The following PLA2R1 variants were observed in gnomAD, a reference collection of about 807,000 sequenced individuals.
PLA2R1 encodes secretory phospholipase A2 receptor.
PLA2R1 carries 158 observed loss-of-function variants against 195.9 expected under a neutral mutation model. The observed-to-expected ratio is 0.81, with a 90% CI of 0.71 to 0.92. The LOEUF is 0.92. Among genes scored for constraint, PLA2R1 ranks in the 40% least tolerant of loss-of-function variants. The pLI, the probability that PLA2R1 is intolerant of heterozygous loss-of-function variation, is 0.00. For synonymous variants in PLA2R1, 586 were observed against 598.2 expected (o/e 0.98, Z 0.30); for missense variants, 1,626 against 1,764.6 (o/e 0.92, Z 1.41).
intron 28 of PLA2R1, among the ~76,000 whole-genome samples, chr2:159,944,566 A>C (rs548495794): frequency 6.5e-4 from 99 of 152,296 alleles, no homozygotes; most frequent in African/African-American, 2.3e-3. Flanking sequence ...TAAACCTTAA[A>C]AATTCTGAGT....
intron 11 of PLA2R1, among the ~76,000 whole-genome samples, chr2:159,996,951 T>A (rs1167383682): frequency 3.9e-5 from 6 of 152,176 alleles, no homozygotes; most frequent in Non-Finnish European, 4.4e-5. Context: ...ACTTTTTCCA[T>A]TAAAGCCCTT....
At chr2:160,009,528 G>A (rs903520521) in intron 10 of PLA2R1, among the ~76,000 whole-genome samples, 1 of 152,170 alleles carries the variant, frequency 6.6e-6, no homozygotes, top group African/African-American at 2.4e-5. Flanking sequence ...GGGTCTGGGA[G>A]GAGGGGAGAA....
intron 10 of PLA2R1, among the ~76,000 whole-genome samples, chr2:160,007,079 A>C (rs907581444): frequency 5.3e-5 from 8 of 152,268 alleles, no homozygotes; most frequent in African/African-American, 1.9e-4. Context: ...TAACCTAAAT[A>C]GCACACATTT....
intron 10 of PLA2R1, among the ~76,000 whole-genome samples, chr2:160,007,482 A>G (rs1692074650): frequency 6.6e-6 from 1 of 152,244 alleles, no homozygotes; most frequent in Non-Finnish European, 1.5e-5. Context: ...GAAGACAGAC[A>G]AGCGGCTGGA....
intron 6 of PLA2R1, 29 bp downstream of exon 6, chr2:160,028,189 T>G (rs1558960992): frequency 5.3e-6 from 8 of 1,512,320 alleles, no homozygotes; most frequent in Non-Finnish European, 7.2e-6. Context: ...CAACAACACC[T>G]AAGAACAACT....
At chr2:159,946,335 A>C (rs1236320583) in intron 27 of PLA2R1, 1 of 984,510 alleles carries the variant, frequency 1.0e-6, no homozygotes, top group East Asian at 1.1e-4. Context: ...ATAACCATCA[A>C]TTACATAAAG....
At position 159,951,086 on chromosome 2, in the gene PLA2R1, A is replaced by T. The variant is rs3828322; in HGVS notation, c.3540+254T>A. On this transcript the variant is annotated intron_variant, in intron 24 of 29. Transcript: ENST00000283243. Reference sequence around the variant, plus strand: ...CGGGGTACTTGGAAATTTTCAGAGAACCTTTGAATGGTATTAATTTCCAGA... The same window carrying T: ...CGGGGTACTTGGAAATTTTCAGAGATCCTTTGAATGGTATTAATTTCCAGA... Among the ~76,000 whole-genome samples, 2,862 of 152,190 alleles carry T rather than the reference A, an allele frequency of 0.019. 162 individuals carry two copies. In the East Asian group the frequency reaches 0.2, roughly 11 times the overall value.
At chr2:160,062,202 T>C in intron 1 of PLA2R1, 93 bp downstream of exon 1, 1 of 1,020,528 alleles carries the variant, frequency 9.8e-7, no homozygotes, top group Non-Finnish European at 1.4e-6. Context: ...CCCGCCAGCT[T>C]GGCCCCTAGC....
At position 160,028,844 on chromosome 2, in the gene PLA2R1, G is replaced by A. The variant is rs140344767; in HGVS notation, c.955+6C>T. The A allele has an allele frequency of 6.9e-4, 1,086 of 1,565,402 alleles. 8 individuals are homozygous for A. The highest frequency in any genetic ancestry group is 6.4e-3 in the South Asian group (579 of 90,284). ...GTGACGAAGGCAAAGAAAACACTGC[G>A]GGTACCTGGGCTCCAATTCAGATAG... On this transcript the variant is annotated splice_donor_region_variant and intron_variant, in intron 5 of 29. Transcript: ENST00000283243.
chr2:160,026,314 G>A (rs1204691358), intron 6 of PLA2R1, among the ~76,000 whole-genome samples: 1 of 152,108 alleles, frequency 6.6e-6, no homozygotes, highest in East Asian at 1.9e-4. Context: ...AAGTATTATG[G>A]AATACAATTT....
intron 1 of PLA2R1, among the ~76,000 whole-genome samples, chr2:160,048,777 A>T (rs1202053640): frequency 6.6e-6 from 1 of 151,520 alleles, no homozygotes; most frequent in African/African-American, 2.4e-5. Context: ...AAATGTTATT[A>T]TACTTCCCTT....
intron 4 of PLA2R1, 129 bp downstream of exon 4, chr2:160,032,830 T>G: frequency 1.3e-6 from 1 of 743,080 alleles, no homozygotes; most frequent in Non-Finnish European, 2.2e-6. Flanking sequence ...GTGAGAGTTT[T>G]GGGCCATATT....
intron 4 of PLA2R1, among the ~76,000 whole-genome samples, chr2:160,029,885 T>G (rs1455098949): frequency 6.6e-6 from 1 of 152,188 alleles, no homozygotes; most frequent in Non-Finnish European, 1.5e-5. Flanking sequence ...TCGCTTACAA[T>G]TCACCTGATT....
intron 1 of PLA2R1, among the ~76,000 whole-genome samples, chr2:160,048,544 T>C (rs1042544700): frequency 2.0e-5 from 3 of 152,234 alleles, no homozygotes; most frequent in Non-Finnish European, 2.9e-5. Context: ...TAGGTATCAA[T>C]ATTCTGATTG....
chr2:160,045,388 A>AGGGGG (rs1694795611), intron 1 of PLA2R1, among the ~76,000 whole-genome samples: 1 of 152,338 alleles, frequency 6.6e-6, no homozygotes, highest in East Asian at 1.9e-4. Context: ...CTCTGATCTA[A>AGGGGG]GACCTAATTG....
chr2:159,946,984 C>A, intron 26 of PLA2R1, 67 bp from the exon 27 acceptor site: 2 of 968,926 alleles, frequency 2.1e-6, no homozygotes, highest in Non-Finnish European at 3.1e-6. Context: ...AAAAATGTTT[C>A]CTATACTATT....
chr2:160,002,580 G>A (rs1027255859), intron 11 of PLA2R1, among the ~76,000 whole-genome samples: 1 of 151,964 alleles, frequency 6.6e-6, no homozygotes, highest in African/African-American at 2.4e-5. Flanking sequence ...GTTAGTTTGT[G>A]TACCTGCAAC....
intron 27 of PLA2R1, chr2:159,946,599 G>C (rs1270156272): frequency 7.9e-7 from 1 of 1,264,392 alleles, no homozygotes; most frequent in East Asian, 3.5e-5. Context: ...TTTTATTTTT[G>C]GTGTTCTGGG....
intron 23 of PLA2R1, among the ~76,000 whole-genome samples, chr2:159,952,857 T>C (rs1241107639): frequency 2.0e-5 from 3 of 152,158 alleles, no homozygotes; most frequent in Non-Finnish European, 4.4e-5. Flanking sequence ...TCTGAAACCA[T>C]TACCTCAATA....
Sources: gnomAD v4.1 joint callset for allele counts (sites outside exome capture counted in the v4.1 genomes callset) on GRCh38, gnomAD v4.1.1 for gene constraint, MANE v1.5 for transcripts, NCBI Gene and HGNC (gene_info 2026-07-23, HGNC 2026-07-21) for gene names.